ZNF385D: variants seen among roughly 807,000 people sequenced by gnomAD.
ZNF385D encodes the protein zinc finger protein 385D, also known as zinc finger protein 659.
Under a neutral mutation model 35.8 loss-of-function variants are expected in ZNF385D, and 15 were observed. That is an observed-to-expected ratio of 0.42 (90% CI 0.28 to 0.64). The LOEUF (loss-of-function observed/expected upper bound fraction) is 0.64. Among genes scored for constraint, ZNF385D ranks in the 30% least tolerant of loss-of-function variants. ZNF385D has a pLI of 0.23. For missense variants in ZNF385D, 474 were observed against 494.6 expected (o/e 0.96, Z 0.39); for synonymous variants, 212 against 186.8 (o/e 1.13, Z -1.10).
chr3:22,127,629 C>A (rs1223127284), intron 3 of ZNF385D, among the ~76,000 whole-genome samples: 1 of 151,928 alleles, frequency 6.6e-6, no homozygotes, highest in Non-Finnish European at 1.5e-5. Context: ...CGTGAGCCAC[C>A]GTGCCTGGCC....
chr3:21,958,240 G>C (rs886793992), intron 3 of ZNF385D, among the ~76,000 whole-genome samples: 1 of 152,036 alleles, frequency 6.6e-6, no homozygotes, highest in African/African-American at 2.4e-5. Context: ...TTTGTGAGGT[G>C]ATCACATTAA....
chr3:22,247,755 C>T (rs1053202580), intron 2 of ZNF385D, among the ~76,000 whole-genome samples: 4 of 151,930 alleles, frequency 2.6e-5, no homozygotes, highest in Non-Finnish European at 5.9e-5. Flanking sequence ...CAGGCACATG[C>T]CACCACACCC....
intron 2 of ZNF385D, among the ~76,000 whole-genome samples, chr3:22,232,191 A>G (rs1316429563): frequency 6.6e-6 from 1 of 152,202 alleles, no homozygotes; most frequent in Non-Finnish European, 1.5e-5. Context: ...AATCTCCAAT[A>G]GGAGATCATC....
intron 1 of ZNF385D, among the ~76,000 whole-genome samples, chr3:21,722,758 G>A (rs1559552837): frequency 6.6e-6 from 1 of 152,178 alleles, no homozygotes; most frequent in Non-Finnish European, 1.5e-5. Flanking sequence ...CAATTTTGAA[G>A]CCTGCTGGCA....
intron 2 of ZNF385D, among the ~76,000 whole-genome samples, chr3:21,657,752 A>G (rs1276695940): frequency 6.6e-6 from 1 of 151,968 alleles, no homozygotes; most frequent in African/African-American, 2.4e-5. Context: ...TGGTAGCAGC[A>G]GTTGTATAAA....
chr3:21,859,701 G>C (rs1035252507), intron 3 of ZNF385D, among the ~76,000 whole-genome samples: 9 of 150,340 alleles, frequency 6.0e-5, no homozygotes, highest in Admixed American at 4.6e-4. Flanking sequence ...TAGTTGTGAG[G>C]TGCTGACCTC....
chr3:22,091,243 C>A (rs1701316831), intron 3 of ZNF385D, among the ~76,000 whole-genome samples: 1 of 152,062 alleles, frequency 6.6e-6, no homozygotes, highest in African/African-American at 2.4e-5. Context: ...ATGGAGATAC[C>A]AGAGCCTACT....
chr3:21,423,813 T>A, intron 7 of ZNF385D, 150 bp downstream of exon 7: 1 of 667,490 alleles, frequency 1.5e-6, no homozygotes, highest in Non-Finnish European at 2.4e-6. Flanking sequence ...GTTTTTCTCT[T>A]TTCCCTATGA....
intron 2 of ZNF385D, among the ~76,000 whole-genome samples, chr3:22,299,629 AG>A (rs1702788666): frequency 6.6e-6 from 1 of 151,886 alleles, no homozygotes; most frequent in Non-Finnish European, 1.5e-5. Flanking sequence ...GTAAAGTTTC[AG>A]GATAGAAAAT....
At chr3:22,032,004 C>A (rs751446695) in intron 3 of ZNF385D, among the ~76,000 whole-genome samples, 1 of 152,198 alleles carries the variant, frequency 6.6e-6, no homozygotes, top group Non-Finnish European at 1.5e-5. Context: ...AGGGCAGGGG[C>A]AAAATGCCAC....
intron 2 of ZNF385D, among the ~76,000 whole-genome samples, chr3:22,183,357 T>C (rs1463665263): frequency 1.3e-5 from 2 of 152,036 alleles, no homozygotes; most frequent in African/African-American, 4.8e-5. Context: ...TATTTACTTA[T>C]TTTTTTAATT....
intron 4 of ZNF385D, among the ~76,000 whole-genome samples, chr3:21,492,776 A>AAAATAAATAAAT (rs60627008): frequency 0.21 from 29,822 of 140,766 alleles, 3,596 homozygotes; most frequent in African/African-American, 0.3. Flanking sequence ...CTCTGTTTCA[A>AAAATAAATAAAT]AAATAAATAA....
intron 3 of ZNF385D, among the ~76,000 whole-genome samples, chr3:21,552,768 G>C (rs1242360901): frequency 6.6e-6 from 1 of 152,186 alleles, no homozygotes; most frequent in African/African-American, 2.4e-5. Flanking sequence ...CAGAATAATG[G>C]CTTCCTAATG....
At chr3:21,766,876 T>C (rs186879327) in intron 3 of ZNF385D, among the ~76,000 whole-genome samples, 2 of 152,172 alleles carry the variant, frequency 1.3e-5, no homozygotes, top group East Asian at 3.9e-4. Flanking sequence ...TGGAAAGGAT[T>C]TGTGGCTATG....
chr3:21,765,557 G>C (rs1444919461), intron 3 of ZNF385D, among the ~76,000 whole-genome samples: 1 of 151,980 alleles, frequency 6.6e-6, no homozygotes, highest in Non-Finnish European at 1.5e-5. Flanking sequence ...GAAGGAACGT[G>C]TCAATTGGTG....
intron 3 of ZNF385D, among the ~76,000 whole-genome samples, chr3:21,926,609 C>T (rs1286629873): frequency 2.6e-5 from 4 of 152,020 alleles, no homozygotes; most frequent in Non-Finnish European, 5.9e-5. Context: ...GTGCATGTGT[C>T]TTTATAGATT....
chr3:22,080,638 A>G (rs1263165057), intron 3 of ZNF385D, among the ~76,000 whole-genome samples: 2 of 152,048 alleles, frequency 1.3e-5, no homozygotes, highest in South Asian at 4.1e-4. Flanking sequence ...TCCATTTTAT[A>G]TATGAAATAC....
At chr3:22,001,883 A>C (rs375263724) in intron 3 of ZNF385D, among the ~76,000 whole-genome samples, 1 of 152,086 alleles carries the variant, frequency 6.6e-6, no homozygotes, top group African/African-American at 2.4e-5. Flanking sequence ...AAATTGAAAA[A>C]ATTATTGAAA....
At chr3:21,482,271 A>C (rs1377927546) in intron 4 of ZNF385D, among the ~76,000 whole-genome samples, 1 of 150,962 alleles carries the variant, frequency 6.6e-6, no homozygotes, top group East Asian at 2.0e-4. Context: ...AGGGTGACCC[A>C]TGGGTCAAAT....
Sources: gnomAD v4.1 joint callset for allele counts (sites outside exome capture counted in the v4.1 genomes callset) on GRCh38, gnomAD v4.1.1 for gene constraint, MANE v1.5 for transcripts, NCBI Gene and HGNC (gene_info 2026-07-23, HGNC 2026-07-21) for gene names.